Variants in TMCO5A observed in about 807,000 individuals in gnomAD.
The protein encoded by TMCO5A is transmembrane and coiled-coil domains 5A.
TMCO5A carries 34 observed loss-of-function variants against 42.3 expected under a neutral mutation model. The ratio of observed to expected loss-of-function variants is 0.80; its 90% CI spans 0.61 to 1.07. TMCO5A has a LOEUF of 1.07. TMCO5A is among the 50% of genes least tolerant of loss of function. The pLI, the probability that TMCO5A is intolerant of heterozygous loss-of-function variation, is 0.00. For missense variants in TMCO5A, 357 were observed against 327.9 expected, an observed-to-expected ratio of 1.09 and a Z score of -0.69; for synonymous variants, 131 against 115.6, an observed-to-expected ratio of 1.13 and a Z score of -0.86.
the TMCO5A span, among the ~76,000 whole-genome samples, chr15:37,976,380 G>A: frequency 6.6e-6 from 1 of 152,002 alleles, no homozygotes; most frequent in Admixed American, 6.6e-5. Flanking sequence ...ATTATTGTGT[G>A]TCTTGGGGAT....
chr15:37,945,958 A>C (rs1038213398), intron 10 of TMCO5A, among the ~76,000 whole-genome samples: 2 of 151,638 alleles, frequency 1.3e-5, no homozygotes, highest in Non-Finnish European at 3.0e-5. Flanking sequence ...GCCTGTGTCC[A>C]TGGTATTGCC....
the TMCO5A span, among the ~76,000 whole-genome samples, chr15:38,039,584 C>T: frequency 6.6e-6 from 1 of 152,158 alleles, no homozygotes; most frequent in East Asian, 1.9e-4. Context: ...TCCCTATTTT[C>T]TCATTCTAGA....
chr15:37,976,963 G>C, the TMCO5A span, among the ~76,000 whole-genome samples: 1 of 151,404 alleles, frequency 6.6e-6, no homozygotes, highest in Admixed American at 6.6e-5. Flanking sequence ...ATACAGACAG[G>C]GTTTCACCAT....
At chr15:37,950,403 G>C (rs1448867296) in intron 11 of TMCO5A, among the ~76,000 whole-genome samples, 2 of 152,058 alleles carry the variant, frequency 1.3e-5, no homozygotes, top group East Asian at 3.9e-4. Flanking sequence ...ACATCTTAGA[G>C]CAAGTGAAAG....
chr15:38,038,397 T>C, the TMCO5A span, among the ~76,000 whole-genome samples: 95 of 151,902 alleles, frequency 6.3e-4, 1 homozygote, highest in Non-Finnish European at 1.2e-3. Context: ...ATATGGAAGA[T>C]GAAAATTTCT....
chr15:38,037,108 A>G, the TMCO5A span, among the ~76,000 whole-genome samples: 2 of 152,242 alleles, frequency 1.3e-5, no homozygotes, highest in African/African-American at 4.8e-5. Context: ...CATTGATGTT[A>G]CTTGTGGAAA....
chr15:37,982,757 A>G, the TMCO5A span, among the ~76,000 whole-genome samples: 3 of 145,338 alleles, frequency 2.1e-5, no homozygotes, highest in East Asian at 2.0e-4. Context: ...AATATATAAT[A>G]TATAAATATA....
the TMCO5A span, among the ~76,000 whole-genome samples, chr15:38,009,229 A>C: frequency 6.6e-6 from 1 of 152,228 alleles, no homozygotes; most frequent in African/African-American, 2.4e-5. Context: ...TTTCACCTCT[A>C]GATCTACTTT....
the TMCO5A span, among the ~76,000 whole-genome samples, chr15:38,027,259 A>G: frequency 2.0e-5 from 3 of 152,318 alleles, no homozygotes; most frequent in Admixed American, 1.3e-4. Flanking sequence ...GGAGCTGCCC[A>G]AGACCATGGG....
chr15:37,988,762 A>G, the TMCO5A span, among the ~76,000 whole-genome samples: 1 of 152,026 alleles, frequency 6.6e-6, no homozygotes, highest in Non-Finnish European at 1.5e-5. Context: ...TATTTTGTTA[A>G]AGATTTTGCA....
the TMCO5A span, among the ~76,000 whole-genome samples, chr15:37,976,252 A>G: frequency 5.9e-5 from 9 of 152,124 alleles, no homozygotes; most frequent in Admixed American, 3.9e-4. Flanking sequence ...CTTAAAAAAA[A>G]AAAAAAGATC....
Position 37,947,691 on chromosome 15 carries a change from T to C in TMCO5A, c.663T>C (p.Ser221=). 1 of 1,598,378 alleles carries C rather than the reference T, an allele frequency of 6.3e-7. No individual in the cohort carries two copies. Among genetic ancestry groups the C allele is most frequent in the Non-Finnish European group, 8.5e-7 (1 of 1,169,634 alleles). ...CCCAAAAGACAGCAAGATTATTCAG[T>C]AAAAAGTAAGTAAAATATCTTCAGG... ...TPTQKTARLF[S]KKIFCCLFFI... is the part of the protein sequence containing the mutation. Residue 221 remains serine (S), a synonymous_variant, in exon 11 of 12, where the codon AGT becomes AGC. Coordinates refer to ENST00000319669, the MANE Select transcript of TMCO5A (RefSeq NM_152453.4).
the TMCO5A span, among the ~76,000 whole-genome samples, chr15:37,975,423 G>A: frequency 6.9e-6 from 1 of 144,780 alleles, no homozygotes; most frequent in East Asian, 1.9e-4. Context: ...GTGTCCCTGT[G>A]TTGCATGCAT....
the TMCO5A span, among the ~76,000 whole-genome samples, chr15:38,036,490 TCTCTCTCA>T: frequency 7.3e-4 from 62 of 84,380 alleles, no homozygotes; most frequent in African/African-American, 3.9e-3. Flanking sequence ...TTTGTCTCTC[TCTCTCTCA>T]CACACACACA....
chr15:37,974,933 T>C, the TMCO5A span, among the ~76,000 whole-genome samples: 1 of 152,190 alleles, frequency 6.6e-6, no homozygotes, highest in Non-Finnish European at 1.5e-5. Context: ...GATTCTGGTA[T>C]GTTGTATCTT....
At chr15:37,941,103 A>T in intron 6 of TMCO5A, 46 bp from the exon 7 acceptor site, 1 of 1,596,988 alleles carries the variant, frequency 6.3e-7, no homozygotes, top group South Asian at 1.1e-5. Context: ...CCATTCCTGC[A>T]CAGCTTTTAC....
At chr15:38,003,566 C>CTTGGTGCTTTA in the TMCO5A span, among the ~76,000 whole-genome samples, 1 of 152,088 alleles carries the variant, frequency 6.6e-6, no homozygotes. Flanking sequence ...TAGGGATCTA[C>CTTGGTGCTTTA]TTGGTGCTTT....
chr15:38,023,279 A>T, the TMCO5A span, among the ~76,000 whole-genome samples: 5 of 152,330 alleles, frequency 3.3e-5, no homozygotes, highest in East Asian at 9.6e-4. Context: ...AGCTTAAAAT[A>T]CAAGAATATT....
the TMCO5A span, among the ~76,000 whole-genome samples, chr15:38,033,211 CACTCTCTCTTTCCTTAGGTGGAAAAT>C: frequency 5.3e-5 from 8 of 152,306 alleles, no homozygotes; most frequent in East Asian, 9.6e-4. Context: ...TACCCTTCTG[CACTCTCTCTTTCCTTAGGTGGAAAAT>C]GAGTCAGATA....
Sources: gnomAD v4.1 joint callset for allele counts (sites outside exome capture counted in the v4.1 genomes callset) on GRCh38, gnomAD v4.1.1 for gene constraint, MANE v1.5 for transcripts, NCBI Gene and HGNC (gene_info 2026-07-23, HGNC 2026-07-21) for gene names.